TACR3: variants seen among roughly 807,000 people sequenced by gnomAD.
The protein encoded by TACR3 is neuromedin-K receptor.
In TACR3, 34 loss-of-function variants were observed where a neutral mutation model predicts 35.0. The observed-to-expected ratio is 0.97, with a 90% CI of 0.74 to 1.30. The LOEUF is 1.30. Ranked by LOEUF, TACR3 falls within the 50% of genes most tolerant of loss-of-function variation. TACR3 has a pLI of 0.00. For synonymous variants in TACR3, 233 were observed against 221.1 expected, an observed-to-expected ratio of 1.05 and a Z score of -0.48; for missense variants, 558 against 591.7, an observed-to-expected ratio of 0.94 and a Z score of 0.59.
At chr4:103,602,771 A>C (rs1361876015) in intron 3 of TACR3, among the ~76,000 whole-genome samples, 1 of 152,130 alleles carries the variant, frequency 6.6e-6, no homozygotes, top group Non-Finnish European at 1.5e-5. Flanking sequence ...GAGGAGTACC[A>C]GGCCATGTGA....
At position 103,676,616 on chromosome 4, in the gene TACR3, GA is replaced by G. The variant is rs531876067; in HGVS notation, c.549-18214del. Among the ~76,000 whole-genome samples, 1,033 of 152,232 alleles carry G rather than the reference GA, an allele frequency of 6.8e-3. 6 individuals are homozygous for G. Among genetic ancestry groups the G allele is most frequent in the Non-Finnish European group, 0.011 (731 of 68,010 alleles). On this transcript the variant is annotated intron_variant, in intron 1 of 4. Coordinates refer to ENST00000304883, the MANE Select transcript of TACR3 (RefSeq NM_001059.3). ...AAACCTGATAAAAACAAGCAGTGGG[GA>G]AAGGATTCTCTATTTCATAAATGGT...
intron 1 of TACR3, among the ~76,000 whole-genome samples, chr4:103,659,483 T>C (rs1236990044): frequency 6.6e-6 from 1 of 152,094 alleles, no homozygotes; most frequent in Admixed American, 6.6e-5. Context: ...AAAGATATGG[T>C]CCATAAACCC....
At position 103,615,667 on chromosome 4, in the gene TACR3, T is replaced by C. The variant is rs181603372; in HGVS notation, c.889-23984A>G. On this transcript the variant is annotated intron_variant, in intron 3 of 4. Coordinates refer to ENST00000304883, the MANE Select transcript of TACR3 (RefSeq NM_001059.3). ...AATGTCTTGTTCTTGATATTTGTTTTAGTTGTACTGGAAAATTAGAAAAAT... is the reference window on the plus strand; with the variant it reads ...AATGTCTTGTTCTTGATATTTGTTTCAGTTGTACTGGAAAATTAGAAAAAT... 8.4e-3 allele frequency among the ~76,000 whole-genome samples: 1,274 copies of C among 152,352 alleles called. 12 individuals are homozygous for C. Among genetic ancestry groups the C allele is most frequent in the Middle Eastern group, 0.027 (8 of 294 alleles).
chr4:103,670,300 A>G (rs1477517194), intron 1 of TACR3, among the ~76,000 whole-genome samples: 1 of 152,028 alleles, frequency 6.6e-6, no homozygotes, highest in African/African-American at 2.4e-5. Context: ...GCTCAGAATT[A>G]CTTTGGCTAT....
intron 1 of TACR3, among the ~76,000 whole-genome samples, chr4:103,681,598 T>G (rs1722091100): frequency 6.6e-6 from 1 of 152,148 alleles, no homozygotes; most frequent in Non-Finnish European, 1.5e-5. Context: ...ATAATAACGG[T>G]GCTTCAAAAT....
intron 3 of TACR3, among the ~76,000 whole-genome samples, chr4:103,602,474 T>C (rs998300054): frequency 2.3e-5 from 3 of 130,712 alleles, no homozygotes; most frequent in African/African-American, 8.8e-5. Flanking sequence ...CTTTTTAGAG[T>C]TTCCAGTTTT....
At chr4:103,675,132 T>G (rs972925386) in intron 1 of TACR3, among the ~76,000 whole-genome samples, 3 of 152,192 alleles carry the variant, frequency 2.0e-5, no homozygotes, top group African/African-American at 7.2e-5. Context: ...TCCTTTGCAC[T>G]GTTGAAGTCT....
intron 3 of TACR3, among the ~76,000 whole-genome samples, chr4:103,612,044 T>C (rs1319471827): frequency 6.6e-6 from 1 of 152,188 alleles, no homozygotes; most frequent in African/African-American, 2.4e-5. Context: ...ACAGTAACTT[T>C]TTAAAAAATG....
At chr4:103,652,758 CT>C (rs1365432117) in intron 3 of TACR3, among the ~76,000 whole-genome samples, 1 of 151,584 alleles carries the variant, frequency 6.6e-6, no homozygotes, top group Admixed American at 6.6e-5. Context: ...GTAGCCAATA[CT>C]TTTTTTTAAT....
At chr4:103,612,469 T>C (rs1373319962) in intron 3 of TACR3, among the ~76,000 whole-genome samples, 1 of 152,180 alleles carries the variant, frequency 6.6e-6, no homozygotes, top group Non-Finnish European at 1.5e-5. Context: ...TTAGGGGTTA[T>C]CTTTGCCCTG....
chr4:103,656,978 A>G (rs1192186858), intron 2 of TACR3, among the ~76,000 whole-genome samples: 1 of 152,048 alleles, frequency 6.6e-6, no homozygotes, highest in Non-Finnish European at 1.5e-5. Context: ...AAACAAAAAA[A>G]CATGTCGACA....
chr4:103,680,468 G>GATATAT (rs138086790), intron 1 of TACR3, among the ~76,000 whole-genome samples: 13 of 143,334 alleles, frequency 9.1e-5, no homozygotes, highest in Non-Finnish European at 1.8e-4. Context: ...CAGATTAAGT[G>GATATAT]ATATATATAT....
In TACR3 at chr4:103,680,993, A is replaced by AT. The variant is rs376677912; in HGVS notation, c.549-22591dup. ...TCTAAGCTTTCTCTTTCTTCCTTAT[A>AT]TTTTTTTTCTATTTTAATAGGTTTG... On this transcript the variant is annotated intron_variant, in intron 1 of 4. Transcript: ENST00000304883. Among the ~76,000 whole-genome samples, 819 of 150,484 alleles carry AT rather than the reference A, an allele frequency of 5.4e-3. 10 individuals are homozygous for AT. The highest frequency in any genetic ancestry group is 0.019 in the African/African-American group (767 of 40,480).
At chr4:103,711,021 G>C (rs1050284410) in intron 1 of TACR3, among the ~76,000 whole-genome samples, 1 of 152,080 alleles carries the variant, frequency 6.6e-6, no homozygotes, top group Non-Finnish European at 1.5e-5. Context: ...AACAAAAAAA[G>C]TCCAGGGCCA....
At chr4:103,590,332 A>G (rs1398474139) in intron 4 of TACR3, among the ~76,000 whole-genome samples, 2 of 152,238 alleles carry the variant, frequency 1.3e-5, no homozygotes, top group African/African-American at 2.4e-5. Flanking sequence ...GTATACATTT[A>G]CATAAATATA....
intron 3 of TACR3, among the ~76,000 whole-genome samples, chr4:103,599,418 C>T (rs531062697): frequency 6.6e-6 from 1 of 152,180 alleles, no homozygotes; most frequent in Non-Finnish European, 1.5e-5. Flanking sequence ...AATTTGACTT[C>T]CTCTTTTCCT....
At chr4:103,639,415 G>A (rs1233871144) in intron 3 of TACR3, among the ~76,000 whole-genome samples, 1 of 151,978 alleles carries the variant, frequency 6.6e-6, no homozygotes, top group African/African-American at 2.4e-5. Context: ...CACAGGAAGG[G>A]GAACATCACA....
chr4:103,637,266 A>C (rs1185088196), intron 3 of TACR3, among the ~76,000 whole-genome samples: 1 of 152,176 alleles, frequency 6.6e-6, no homozygotes, highest in Non-Finnish European at 1.5e-5. Context: ...CATCCCTGGG[A>C]TGCAAGACTG....
At chr4:103,652,246 G>A (rs6828965) in intron 3 of TACR3, among the ~76,000 whole-genome samples, 9,653 of 152,172 alleles carry the variant, frequency 0.063, 1,026 homozygotes, top group African/African-American at 0.22. Context: ...GTGGTGAGGC[G>A]TGGGAGAACT....
Sources: allele counts gnomAD v4.1 joint callset (sites outside exome capture counted in the v4.1 genomes callset), GRCh38; gene constraint gnomAD v4.1.1; transcripts MANE v1.5; gene names NCBI Gene and HGNC (gene_info 2026-07-23, HGNC 2026-07-21).